The following LITAF variants were observed in gnomAD, a reference collection of about 807,000 sequenced individuals.
LITAF encodes the protein lipopolysaccharide-induced tumor necrosis factor-alpha factor.
A neutral mutation model predicts 14.5 loss-of-function variants in LITAF; 9 were observed. The observed-to-expected ratio is 0.62, with a 90% CI of 0.37 to 1.08. The LOEUF is 1.08. Ranked by LOEUF, LITAF falls within the 50% of genes least tolerant of loss-of-function variation. LITAF has a pLI of 0.01. For synonymous variants in LITAF, 98 were observed against 88.2 expected (o/e 1.11, Z -0.62); for missense variants, 206 against 213.4 (o/e 0.97, Z 0.22).
intron 3 of LITAF, among the ~76,000 whole-genome samples, chr16:11,614,774 T>C (rs1389638878): frequency 6.6e-6 from 1 of 152,214 alleles, no homozygotes; most frequent in African/African-American, 2.4e-5. Flanking sequence ...GTTTTCACCT[T>C]TCAGCTGTTA....
At chr16:11,581,267 C>T (rs1173006976) in intron 1 of LITAF, among the ~76,000 whole-genome samples, 1 of 152,214 alleles carries the variant, frequency 6.6e-6, no homozygotes, top group Non-Finnish European at 1.5e-5. Context: ...TCTCTCTCCC[C>T]TACATAGGCC....
chr16:11,599,204 C>A (rs914029529), upstream of LITAF, among the ~76,000 whole-genome samples: 2 of 151,900 alleles, frequency 1.3e-5, no homozygotes, highest in African/African-American at 4.8e-5. Context: ...CTGCAGCCTC[C>A]GCCTCCTGGG....
Position 11,558,078 on chromosome 16 carries a change from C to T in LITAF, c.-5-1343G>A, listed in dbSNP as rs2064302335. On this transcript the variant is annotated intron_variant, in intron 1 of 3. Coordinates refer to ENST00000622633, the MANE Select transcript of LITAF (RefSeq NM_001136472.2). The surrounding 1 kb of genome is among the most constrained non-coding windows in gnomAD (Gnocchi z 4.1). ...GTCTCGGGAGAAATGGGAAATGAGG[C>T]TCCGGGGCAGCGAGCCACAACCACC... Among the ~76,000 whole-genome samples the T allele has an allele frequency of 2.0e-5, 3 of 152,148 alleles. No homozygotes were observed. In the South Asian group the frequency reaches 6.2e-4, roughly 31 times the overall value.
At chr16:11,607,620 T>C (rs2064961294) in intron 3 of LITAF, among the ~76,000 whole-genome samples, 1 of 152,168 alleles carries the variant, frequency 6.6e-6, no homozygotes, top group Non-Finnish European at 1.5e-5. Flanking sequence ...TGTTGTTTTG[T>C]TGGTATCTCT....
At position 11,627,601 on chromosome 16, in the gene LITAF, T is replaced by C. The variant is rs577953620; in HGVS notation, c.85+5932A>G. Among the ~76,000 whole-genome samples, 3 of 152,340 alleles carry C rather than the reference T, an allele frequency of 2.0e-5. No individual in the cohort carries two copies. In the East Asian group the frequency reaches 5.8e-4, roughly 29 times the overall value. On this transcript the variant is annotated intron_variant, in intron 3 of 3. Transcript: ENST00000574848. ...GCTCACGCCTGTAATCCCAGCATTT[T>C]GGAAGGCCGAGGTGGGCAGATCACC...
At chr16:11,631,607 C>T (rs1004351550) in intron 3 of LITAF, among the ~76,000 whole-genome samples, 3 of 152,178 alleles carry the variant, frequency 2.0e-5, no homozygotes, top group African/African-American at 7.2e-5. Context: ...CCAGTCTGGT[C>T]GCGAATTCCT....
chr16:11,596,283 T>C (rs886767836), intron 1 of LITAF, among the ~76,000 whole-genome samples: 3 of 151,996 alleles, frequency 2.0e-5, no homozygotes, highest in African/African-American at 7.2e-5. Context: ...GCAGGGGCCC[T>C]GTAAACCGCA....
At chr16:11,601,753 T>A (rs1372172956), upstream of LITAF, among the ~76,000 whole-genome samples, 1 of 151,762 alleles carries the variant, frequency 6.6e-6, no homozygotes, top group Admixed American at 6.6e-5. Flanking sequence ...AGAGACGGGG[T>A]TTTACCATGT....
rs200789696 is a variant in LITAF, at chr16:11,553,641, C to T, written c.269G>A (p.Arg90His). 35 of 1,613,858 alleles carry T rather than the reference C, an allele frequency of 2.2e-5. No individual in the cohort carries two copies. The highest frequency in any genetic ancestry group is 2.0e-4 in the East Asian group (9 of 44,878). Reference sequence around the variant, plus strand: ...GGAAGGACAACACATTTGGATAGGGCGGTCCAAAAAGGTGATGGGGTGCTG... The same window carrying T: ...GGAAGGACAACACATTTGGATAGGGTGGTCCAAAAAGGTGATGGGGTGCTG... ...YVQHPITFLD[R>H]PIQMCCPSCN... Residue 90 changes from arginine (R) to histidine (H), a missense_variant, in exon 3 of 4, where the codon CGC becomes CAC. Transcript: ENST00000622633. This position sits in a 1 kb window ranked among gnomAD's most constrained non-coding sequence, Gnocchi z 7.7.
At chr16:11,592,405 A>G (rs941390962) in intron 1 of LITAF, among the ~76,000 whole-genome samples, 4 of 151,974 alleles carry the variant, frequency 2.6e-5, no homozygotes, top group Non-Finnish European at 5.9e-5. Context: ...GTGAAACCCC[A>G]TCTCTACTAA....
chr16:11,575,493 C>A (rs1320202054), intron 1 of LITAF: 1 of 152,262 alleles, frequency 6.6e-6, no homozygotes, highest in African/African-American at 2.4e-5. Flanking sequence ...TGGGCACCAG[C>A]GCCTGGGTTT....
chr16:11,564,251 C>G (rs1027763437), intron 1 of LITAF, among the ~76,000 whole-genome samples: 3 of 152,018 alleles, frequency 2.0e-5, no homozygotes, highest in African/African-American at 7.3e-5. Flanking sequence ...CAGGAACCCG[C>G]AGGGAGAAGC....
chr16:11,619,069 G>C (rs1427494930), intron 3 of LITAF, among the ~76,000 whole-genome samples: 1 of 151,000 alleles, frequency 6.6e-6, no homozygotes, highest in Non-Finnish European at 1.5e-5. Flanking sequence ...CCAGCACTTT[G>C]GGAGGCCAAG....
chr16:11,584,843 G>A, intron 1 of LITAF, among the ~76,000 whole-genome samples: 1 of 152,104 alleles, frequency 6.6e-6, no homozygotes, highest in Non-Finnish European at 1.5e-5. Flanking sequence ...GCCCATAAAA[G>A]GAACGGAAGT....
chr16:11,607,510 T>A (rs973848509), intron 3 of LITAF, among the ~76,000 whole-genome samples: 2 of 152,042 alleles, frequency 1.3e-5, no homozygotes, highest in African/African-American at 4.8e-5. Flanking sequence ...GTCCCACTTC[T>A]GAAAGTAGTG....
chr16:11,590,085 G>A (rs1360533599), upstream of LITAF, among the ~76,000 whole-genome samples: 3 of 107,462 alleles, frequency 2.8e-5, 1 homozygote, highest in African/African-American at 1.4e-4. Context: ...TTGAGCATGA[G>A]AGTTTGAATC....
chr16:11,580,599 G>C (rs2064717151), intron 1 of LITAF, among the ~76,000 whole-genome samples: 1 of 151,992 alleles, frequency 6.6e-6, no homozygotes. Flanking sequence ...TCGACACCTG[G>C]TCACAAGCCA....
intron 3 of LITAF, among the ~76,000 whole-genome samples, chr16:11,617,426 CTTTTTTTTT>C (rs71136673): frequency 2.7e-5 from 2 of 73,714 alleles, no homozygotes; most frequent in Non-Finnish European, 4.8e-5. Context: ...TGGCTTCACT[CTTTTTTTTT>C]TTTTTTTTTT....
At chr16:11,625,289 G>A (rs952158675) in intron 3 of LITAF, among the ~76,000 whole-genome samples, 4 of 150,848 alleles carry the variant, frequency 2.7e-5, no homozygotes, top group African/African-American at 9.8e-5. Flanking sequence ...TTGAGACAGG[G>A]TCTCGCTCTG....
Sources: gnomAD v4.1 joint callset for allele counts (sites outside exome capture counted in the v4.1 genomes callset) on GRCh38, gnomAD v4.1.1 for gene constraint, Gnocchi (gnomAD v3.1) non-coding constraint, MANE v1.5 for transcripts, NCBI Gene and HGNC (gene_info 2026-07-23, HGNC 2026-07-21) for gene names.